DERA: variants seen among roughly 807,000 people sequenced by gnomAD.
DERA encodes deoxyribose-phosphate aldolase, also known as 2-deoxy-D-ribose 5-phosphate aldolase.
A neutral mutation model predicts 41.1 loss-of-function variants in DERA; 15 were observed. That is an observed-to-expected ratio of 0.37 (90% CI 0.24 to 0.56). The LOEUF (loss-of-function observed/expected upper bound fraction) is 0.56, where lower values mean the gene tolerates loss of function less well. DERA is among the 20% of genes least tolerant of loss of function. The pLI is 0.81. For missense variants in DERA, 396 were observed against 403.4 expected (o/e 0.98, Z 0.16); for synonymous variants, 139 against 137.4 (o/e 1.01, Z -0.08).
intron 5 of DERA, among the ~76,000 whole-genome samples, chr12:15,974,622 C>G (rs1203077995): frequency 6.6e-6 from 1 of 152,134 alleles, no homozygotes; most frequent in African/African-American, 2.4e-5. Context: ...CAAGTTTCTC[C>G]ATTGTAAAAT....
chr12:16,031,250 A>G (rs992711727), intron 6 of DERA, among the ~76,000 whole-genome samples: 7 of 152,216 alleles, frequency 4.6e-5, no homozygotes, highest in Non-Finnish European at 8.8e-5. Context: ...CCGTGTCTAC[A>G]TTGTATGGTT....
intron 1 of DERA, among the ~76,000 whole-genome samples, chr12:15,939,451 T>G (rs1402349969): frequency 6.6e-6 from 1 of 152,214 alleles, no homozygotes; most frequent in African/African-American, 2.4e-5. Context: ...AGTGCAACTT[T>G]AGAATTTTAA....
chr12:15,930,437 T>C (rs1438188541), intron 1 of DERA, among the ~76,000 whole-genome samples: 1 of 152,214 alleles, frequency 6.6e-6, no homozygotes, highest in Admixed American at 6.5e-5. Flanking sequence ...TTTTTCAGAT[T>C]CTTTTTTGAT....
rs1256296644 is a variant in DERA, at chr12:16,001,337, T to C, written c.637+18901T>C. ...GAGGTGATCAGGTACTTCTTTATAA[T>C]TGAATATACTTTTCAGCTAAACCCA... On this transcript the variant is annotated intron_variant, in intron 6 of 8. Transcript: ENST00000428559. This position sits in a 1 kb window ranked among gnomAD's most constrained non-coding sequence, Gnocchi z 4.1. Among the ~76,000 whole-genome samples the C allele has an allele frequency of 1.3e-5, 2 of 152,242 alleles. No homozygotes were observed. Among genetic ancestry groups the C allele is most frequent in the Non-Finnish European group, 2.9e-5 (2 of 68,042 alleles).
intron 1 of DERA, among the ~76,000 whole-genome samples, chr12:15,942,494 G>C (rs1948415767): frequency 1.3e-5 from 2 of 152,146 alleles, no homozygotes. Flanking sequence ...TATGGTTTCA[G>C]ATCTTAGATT....
chr12:15,917,989 A>G (rs188474339), intron 1 of DERA, among the ~76,000 whole-genome samples: 48 of 152,268 alleles, frequency 3.2e-4, no homozygotes, highest in African/African-American at 1.0e-3. Flanking sequence ...TCATCTACCT[A>G]TCATCTCTCT....
intron 1 of DERA, among the ~76,000 whole-genome samples, chr12:15,946,699 G>T (rs566309881): frequency 6.6e-6 from 1 of 151,820 alleles, no homozygotes; most frequent in South Asian, 2.1e-4. Context: ...TTGATTTTTC[G>T]AAGGGTTTTT....
chr12:16,020,041 G>A lies in DERA; in HGVS notation c.638-12501G>A, dbSNP rs1405596832. Among the ~76,000 whole-genome samples, 3 of 152,130 alleles carry A rather than the reference G, an allele frequency of 2.0e-5. No homozygotes were observed. ...CCCACTCTCGCCATCTGACATGCCT[G>A]CTCTCTTTGCTTTCTGCTGTGATTG... On this transcript the variant is annotated intron_variant, in intron 6 of 8. Transcript: ENST00000428559. This position sits in a 1 kb window ranked among gnomAD's most constrained non-coding sequence, Gnocchi z 5.5.
Position 15,983,545 on chromosome 12 carries a change from T to G in DERA, c.637+1109T>G, listed in dbSNP as rs1299020151. ...TGACACTGCTTCTCCCCCTGCTGTT[T>G]GGCCCATTATCTCCTCTGTGTGTCC... is the stretch of plus-strand genomic sequence containing the variant. On this transcript the variant is annotated intron_variant, in intron 6 of 8. Transcript: ENST00000428559. This position sits in a 1 kb window ranked among gnomAD's most constrained non-coding sequence, Gnocchi z 6.2. Among the ~76,000 whole-genome samples the G allele has an allele frequency of 2.0e-5, 3 of 152,226 alleles. No homozygotes were observed. The highest frequency in any genetic ancestry group is 4.8e-5 in the African/African-American group (2 of 41,458).
Position 15,992,074 on chromosome 12 carries a change from T to TC in DERA, c.637+9638_637+9639insC, listed in dbSNP as rs1280056343. ...TCAACTGTTTTACCTGTTAGATTTT[T>TC]TTTTTTTTTCAAAACTGTGCTCTTC... On this transcript the variant is annotated intron_variant, in intron 6 of 8. Transcript: ENST00000428559. This position sits in a 1 kb window ranked among gnomAD's most constrained non-coding sequence, Gnocchi z 4.3. 6.6e-6 allele frequency among the ~76,000 whole-genome samples: 1 copy of TC among 152,004 alleles called. No homozygotes were observed. Among genetic ancestry groups the TC allele is most frequent in the Non-Finnish European group, 1.5e-5 (1 of 67,968 alleles).
In DERA at chr12:16,036,637, T is replaced by A. The variant is rs1364258846; in HGVS notation, c.901-53T>A. On this transcript the variant is annotated intron_variant, in intron 8 of 8. Transcript: ENST00000428559. This position sits in a 1 kb window ranked among gnomAD's most constrained non-coding sequence, Gnocchi z 4.9. The stretch of plus-strand genomic sequence containing the variant: ...ATTATTTGATAGTATAATTATTAAC[T>A]GATGTGTATAATTATAGAATGATTG... 6 of 1,254,020 alleles carry A rather than the reference T, an allele frequency of 4.8e-6. No homozygotes were observed. The highest frequency in any genetic ancestry group is 6.9e-6 in the Non-Finnish European group (6 of 869,854). The allele number at this position is 1,254,020 out of a possible 1,614,324, so 77.7% of individuals were successfully genotyped here.
rs941577016 is a variant in DERA, at chr12:15,982,783, A to C, written c.637+347A>C. Among the ~76,000 whole-genome samples, 1 of 152,244 alleles carries C rather than the reference A, an allele frequency of 6.6e-6. No homozygotes were observed. Among genetic ancestry groups the C allele is most frequent in the Admixed American group, 6.5e-5 (1 of 15,286 alleles). ...CTTTGACTTACTCCTCTCTGAATTT[A>C]AGCTTTTCATTTATCTCAGAGATAT... is the stretch of plus-strand genomic sequence containing the variant. On this transcript the variant is annotated intron_variant, in intron 6 of 8. Transcript: ENST00000428559. The surrounding 1 kb of genome is among the most constrained non-coding windows in gnomAD (Gnocchi z 4.0).
intron 4 of DERA, among the ~76,000 whole-genome samples, chr12:15,960,555 T>C (rs1016799369): frequency 7.2e-6 from 1 of 138,676 alleles, no homozygotes; most frequent in Non-Finnish European, 1.5e-5. Context: ...GAGAATCGTT[T>C]GAACCTGGGA....
In DERA at chr12:15,996,324, A is replaced by G. The variant is rs1948837439; in HGVS notation, c.637+13888A>G. ...CAAATTAGATGGCCTTAAGCAACAG[A>G]AATGTGTTCTTAAGGTTCTGGAGGC... On this transcript the variant is annotated intron_variant, in intron 6 of 8. Coordinates refer to ENST00000428559, the MANE Select transcript of DERA (RefSeq NM_015954.4). This position sits in a 1 kb window ranked among gnomAD's most constrained non-coding sequence, Gnocchi z 4.7. Among the ~76,000 whole-genome samples, 1 of 152,048 alleles carries G rather than the reference A, an allele frequency of 6.6e-6. No homozygotes were observed. Among genetic ancestry groups the G allele is most frequent in the Admixed American group, 6.6e-5 (1 of 15,258 alleles).
intron 6 of DERA, among the ~76,000 whole-genome samples, chr12:16,018,062 C>T (rs994293909): frequency 6.6e-6 from 1 of 152,036 alleles, no homozygotes; most frequent in African/African-American, 2.4e-5. Flanking sequence ...AAGATTTGTT[C>T]AAGAAATAAA....
chr12:15,946,761 C>T (rs1157299907), intron 1 of DERA, among the ~76,000 whole-genome samples: 2 of 152,116 alleles, frequency 1.3e-5, no homozygotes, highest in Non-Finnish European at 2.9e-5. Flanking sequence ...TTTTTGCCTT[C>T]TGCTAGCTGT....
intron 4 of DERA, among the ~76,000 whole-genome samples, chr12:15,961,248 T>C (rs1253791837): frequency 6.6e-6 from 1 of 152,184 alleles, no homozygotes; most frequent in Non-Finnish European, 1.5e-5. Context: ...CGGTAGGACT[T>C]GGTATGACAG....
intron 6 of DERA, among the ~76,000 whole-genome samples, chr12:16,016,677 A>G (rs1184775633): frequency 1.3e-5 from 2 of 151,182 alleles, no homozygotes; most frequent in Non-Finnish European, 2.9e-5. Context: ...CTGTACTCCC[A>G]GCTACGTGGA....
At position 15,993,655 on chromosome 12, in the gene DERA, A is replaced by G. The variant is rs945622636; in HGVS notation, c.637+11219A>G. ...TGTACATTTATTTACAGTTCCTTAAACTAGCCCTGGAAATTAGACTACTTA... is the reference window on the plus strand; with the variant it reads ...TGTACATTTATTTACAGTTCCTTAAGCTAGCCCTGGAAATTAGACTACTTA... On this transcript the variant is annotated intron_variant, in intron 6 of 8. Transcript: ENST00000428559. The surrounding 1 kb of genome is among the most constrained non-coding windows in gnomAD (Gnocchi z 4.4). 1.3e-5 allele frequency among the ~76,000 whole-genome samples: 2 copies of G among 152,162 alleles called. No homozygotes were observed. The highest frequency in any genetic ancestry group is 4.8e-5 in the African/African-American group (2 of 41,432).
Sources: allele counts gnomAD v4.1 joint callset (sites outside exome capture counted in the v4.1 genomes callset), GRCh38; gene constraint gnomAD v4.1.1; non-coding constraint Gnocchi (gnomAD v3.1); transcripts MANE v1.5; gene names NCBI Gene and HGNC (gene_info 2026-07-23, HGNC 2026-07-21).